IL1RAP: variants seen among roughly 807,000 people sequenced by gnomAD.
IL1RAP encodes interleukin-1 receptor accessory protein.
In IL1RAP, 35 loss-of-function variants were observed where a neutral mutation model predicts 60.7. That is an observed-to-expected ratio of 0.58 (90% CI 0.44 to 0.76). The LOEUF is 0.76. Ranked by LOEUF, IL1RAP falls within the 30% of genes least tolerant of loss-of-function variation. The probability of loss-of-function intolerance (pLI) is 0.00; values close to 1 mark genes in which losing one functional copy is unlikely to be tolerated. For synonymous variants in IL1RAP, 268 were observed against 250.9 expected (o/e 1.07, Z -0.64); for missense variants, 572 against 693.9 (o/e 0.82, Z 1.97).
intron 1 of IL1RAP, among the ~76,000 whole-genome samples, chr3:190,552,856 C>T (rs532004367): frequency 2.0e-5 from 3 of 152,230 alleles, no homozygotes; most frequent in African/African-American, 7.2e-5. Flanking sequence ...AAAAGGAAAA[C>T]ATAAAGGCCT....
At chr3:190,597,723 C>T (rs976282449) in intron 3 of IL1RAP, among the ~76,000 whole-genome samples, 6 of 152,164 alleles carry the variant, frequency 3.9e-5, no homozygotes, top group Admixed American at 2.0e-4. Flanking sequence ...AGTCTGTTCT[C>T]GTGATCACTA....
intron 1 of IL1RAP, among the ~76,000 whole-genome samples, chr3:190,527,342 A>G (rs1450126450): frequency 1.3e-5 from 2 of 152,260 alleles, no homozygotes; most frequent in African/African-American, 4.8e-5. Context: ...TTTACAACTA[A>G]AAAATAAAAA....
downstream of IL1RAP, among the ~76,000 whole-genome samples, chr3:190,655,689 C>T (rs77682380): frequency 0.035 from 5,340 of 151,552 alleles, 273 homozygotes; most frequent in East Asian, 0.26. Context: ...AACTACCATA[C>T]CATCCTTGAA....
chr3:190,629,168 A>G (rs1215253933), intron 8 of IL1RAP, among the ~76,000 whole-genome samples, 182 bp from the exon 9 acceptor site: 1 of 152,204 alleles, frequency 6.6e-6, no homozygotes, highest in Non-Finnish European at 1.5e-5. Context: ...ATGGTATAGT[A>G]TAGTGTTAGA....
At chr3:190,636,306 G>T (rs1344465861) in intron 9 of IL1RAP, among the ~76,000 whole-genome samples, 1 of 152,220 alleles carries the variant, frequency 6.6e-6, no homozygotes, top group Non-Finnish European at 1.5e-5. Flanking sequence ...AGAGAGAATG[G>T]TGTTGAAATC....
intron 4 of IL1RAP, among the ~76,000 whole-genome samples, chr3:190,607,685 G>C (rs1376576168): frequency 6.6e-6 from 1 of 152,176 alleles, no homozygotes; most frequent in Non-Finnish European, 1.5e-5. Context: ...GAACATTATA[G>C]CACCAATGTA....
chr3:190,658,532 T>C (rs1307074961), exon 12 of IL1RAP: 2 of 152,212 alleles, frequency 1.3e-5, no homozygotes, highest in East Asian at 3.8e-4. Context: ...GCCTGCTTAC[T>C]GTCAGAAAAT....
intron 9 of IL1RAP, among the ~76,000 whole-genome samples, chr3:190,638,147 T>C (rs921018511): frequency 2.0e-5 from 3 of 152,220 alleles, no homozygotes; most frequent in Admixed American, 2.0e-4. Flanking sequence ...TTTACTTCTC[T>C]GAGATGAATA....
At chr3:190,578,429 A>G (rs1408118103) in intron 3 of IL1RAP, among the ~76,000 whole-genome samples, 1 of 152,200 alleles carries the variant, frequency 6.6e-6, no homozygotes, top group African/African-American at 2.4e-5. Flanking sequence ...CACAGAGGTA[A>G]CTTCAATATT....
intron 3 of IL1RAP, among the ~76,000 whole-genome samples, chr3:190,587,488 C>T (rs894694869): frequency 6.6e-5 from 10 of 152,178 alleles, no homozygotes; most frequent in Non-Finnish European, 1.2e-4. Context: ...GTCACACTGG[C>T]AGAATTAGGA....
intron 1 of IL1RAP, among the ~76,000 whole-genome samples, chr3:190,544,023 A>T (rs1375860154): frequency 6.6e-6 from 1 of 152,172 alleles, no homozygotes; most frequent in Non-Finnish European, 1.5e-5. Flanking sequence ...TATATATTAG[A>T]GAATGGAAAG....
chr3:190,524,792 A>C (rs2108519311), intron 1 of IL1RAP, among the ~76,000 whole-genome samples: 1 of 152,310 alleles, frequency 6.6e-6, no homozygotes, highest in South Asian at 2.1e-4. Flanking sequence ...AGAAGTAGAA[A>C]GAGATAGAAC....
chr3:190,650,555 A>G lies in IL1RAP; in HGVS notation c.*1850A>G. 3 of 954,052 alleles carry G rather than the reference A, an allele frequency of 3.1e-6. No homozygotes were observed. The highest frequency in any genetic ancestry group is 3.7e-6 in the Non-Finnish European group (3 of 801,230). The allele number at this position is 954,052 out of a possible 1,614,324, so 59.1% of individuals were successfully genotyped here. ...ATTTAAGAAAGCCCTTATCCCGGTA[A>G]CATGAATGTTGATGAACAAATGTAA... On this transcript the variant is annotated 3_prime_UTR_variant, in exon 12 of 12. Coordinates refer to ENST00000447382, the MANE Select transcript of IL1RAP (RefSeq NM_002182.4).
At chr3:190,547,748 A>T (rs1724503116) in intron 1 of IL1RAP, among the ~76,000 whole-genome samples, 1 of 152,054 alleles carries the variant, frequency 6.6e-6, no homozygotes, top group African/African-American at 2.4e-5. Context: ...TTCTAATTTA[A>T]CTCTTGACTT....
intron 3 of IL1RAP, among the ~76,000 whole-genome samples, chr3:190,581,169 G>T (rs1431266650): frequency 1.3e-5 from 2 of 152,078 alleles, no homozygotes; most frequent in Non-Finnish European, 2.9e-5. Flanking sequence ...ATCAGAACAT[G>T]CCCTGGGTAA....
chr3:190,646,011 T>C (rs1289292652), intron 11 of IL1RAP, among the ~76,000 whole-genome samples, 169 bp downstream of exon 11: 3 of 152,236 alleles, frequency 2.0e-5, no homozygotes, highest in Admixed American at 1.3e-4. Flanking sequence ...AAATGTATAC[T>C]ATTCAACTCA....
At chr3:190,655,059 A>T (rs890137265), downstream of IL1RAP, among the ~76,000 whole-genome samples, 2 of 152,116 alleles carry the variant, frequency 1.3e-5, no homozygotes, top group Non-Finnish European at 2.9e-5. Context: ...ACACACACAG[A>T]AAAAAGAATT....
At chr3:190,645,555 G>T in intron 10 of IL1RAP, 144 bp from the exon 11 acceptor site, 1 of 623,564 alleles carries the variant, frequency 1.6e-6, no homozygotes, top group Non-Finnish European at 2.8e-6. Context: ...GTCGTTTTGC[G>T]TGGAGACTTG....
At position 190,609,125 on chromosome 3, in the gene IL1RAP, C is replaced by A; in HGVS notation, c.481C>A (p.Pro161Thr). 1.9e-6 allele frequency: 3 copies of A among 1,612,642 alleles called. No homozygotes were observed. The highest frequency in any genetic ancestry group is 2.5e-6 in the Non-Finnish European group (3 of 1,179,214). Reference protein sequence around the residue: ...IEYGIQRITCPNVDGYFPSSV... With the variant: ...IEYGIQRITCTNVDGYFPSSV... ...ATATGGCATTCAGAGGATCACTTGT[C>A]CAAATGTAGATGGATATTTTCCTTC... is the stretch of plus-strand genomic sequence containing the variant. Residue 161 changes from proline to threonine, a missense_variant, in exon 5 of 12, where the codon CCA becomes ACA. Physicochemically the swap from Pro to Thr is conservative, Grantham distance 38. Transcript: ENST00000447382.
Sources: gnomAD v4.1 joint callset for allele counts (sites outside exome capture counted in the v4.1 genomes callset) on GRCh38, gnomAD v4.1.1 for gene constraint, MANE v1.5 for transcripts, NCBI Gene and HGNC (gene_info 2026-07-23, HGNC 2026-07-21) for gene names.